RANBP2: variants seen among roughly 807,000 people sequenced by gnomAD.
RANBP2 encodes E3 SUMO-protein ligase RanBP2.
RANBP2 carries 57 observed loss-of-function variants against 303.6 expected under a neutral mutation model. The ratio of observed to expected loss-of-function variants is 0.19; its 90% CI spans 0.15 to 0.23. The LOEUF is 0.23. RANBP2 is among the 10% of genes least tolerant of loss of function. The pLI is 1.00. For synonymous variants in RANBP2, 1,167 were observed against 1,301.5 expected, an observed-to-expected ratio of 0.90 and a Z score of 2.23; for missense variants, 3,138 against 3,780.8, an observed-to-expected ratio of 0.83 and a Z score of 4.46.
the RANBP2 span, among the ~76,000 whole-genome samples, chr2:109,294,340 C>T: frequency 1.3e-5 from 2 of 152,010 alleles, no homozygotes; most frequent in African/African-American, 4.8e-5. Flanking sequence ...GCTGGTGGAT[C>T]GCTTGAGTCC....
the RANBP2 span, among the ~76,000 whole-genome samples, chr2:109,703,324 T>C: frequency 6.6e-6 from 1 of 152,232 alleles, no homozygotes; most frequent in Non-Finnish European, 1.5e-5. Context: ...GCAACTCTAA[T>C]CGAATAGCAC....
chr2:109,038,798 C>G, the RANBP2 span, among the ~76,000 whole-genome samples: 1,021 of 152,302 alleles, frequency 6.7e-3, 6 homozygotes, highest in East Asian at 0.034. Context: ...TAACTAGCAG[C>G]ATACGAAAGC....
chr2:109,256,142 C>T, the RANBP2 span, among the ~76,000 whole-genome samples: 16 of 152,260 alleles, frequency 1.1e-4, 1 homozygote, highest in East Asian at 7.7e-4. Flanking sequence ...TGCTTCTGGC[C>T]GCTGTGACCC....
chr2:109,640,100 T>TA, the RANBP2 span, among the ~76,000 whole-genome samples: 2 of 151,976 alleles, frequency 1.3e-5, no homozygotes, highest in Non-Finnish European at 2.9e-5. Context: ...GCCTTCTATT[T>TA]TTTTTTTTCT....
the RANBP2 span, among the ~76,000 whole-genome samples, chr2:109,059,329 A>C: frequency 1.3e-5 from 2 of 152,120 alleles, no homozygotes; most frequent in African/African-American, 2.4e-5. Flanking sequence ...TAATCCCAAC[A>C]CTTTGGGAGG....
the RANBP2 span, among the ~76,000 whole-genome samples, chr2:108,797,539 G>A: frequency 6.6e-6 from 1 of 152,134 alleles, no homozygotes; most frequent in Admixed American, 6.5e-5. Context: ...GAGGAGGTGA[G>A]TGGGTGGGGC....
intron 1 of RANBP2, among the ~76,000 whole-genome samples, chr2:108,722,494 C>T (rs1694341982): frequency 6.6e-6 from 1 of 151,678 alleles, no homozygotes; most frequent in Admixed American, 6.6e-5. Context: ...GGCTGGCCAT[C>T]TGTGAACTGC....
the RANBP2 span, chr2:109,615,489 A>G: frequency 5.1e-5 from 82 of 1,613,516 alleles, 1 homozygote; most frequent in South Asian, 6.7e-4. Flanking sequence ...GCCGGTGAAC[A>G]TCGACGCCAG....
At chr2:109,264,044 A>C in the RANBP2 span, among the ~76,000 whole-genome samples, 1 of 152,200 alleles carries the variant, frequency 6.6e-6, no homozygotes, top group Non-Finnish European at 1.5e-5. Flanking sequence ...CATGGTTTGC[A>C]AAACCATCTG....
the RANBP2 span, among the ~76,000 whole-genome samples, chr2:109,550,312 T>G: frequency 7.0e-6 from 1 of 142,058 alleles, no homozygotes; most frequent in Non-Finnish European, 1.5e-5. Flanking sequence ...AAAAAGTATC[T>G]TTTTTTTTTT....
chr2:108,937,773 A>G, the RANBP2 span, among the ~76,000 whole-genome samples: 2,226 of 152,174 alleles, frequency 0.015, 25 homozygotes, highest in South Asian at 0.029. Flanking sequence ...GTGTGAATGT[A>G]TGTGTGTGTA....
At chr2:109,522,834 G>GCA in the RANBP2 span, among the ~76,000 whole-genome samples, 1 of 152,222 alleles carries the variant, frequency 6.6e-6, no homozygotes, top group African/African-American at 2.4e-5. Flanking sequence ...CACCTGCCCA[G>GCA]GGTGGAAGCA....
At chr2:109,716,693 C>T in the RANBP2 span, among the ~76,000 whole-genome samples, 4 of 152,152 alleles carry the variant, frequency 2.6e-5, no homozygotes, top group East Asian at 3.8e-4. Flanking sequence ...ACTACAGGCA[C>T]GCACCACCAT....
the RANBP2 span, among the ~76,000 whole-genome samples, chr2:109,417,000 G>A: frequency 6.6e-6 from 1 of 152,196 alleles, no homozygotes; most frequent in Admixed American, 6.5e-5. Flanking sequence ...CCCCATGGGG[G>A]CCCAGGGCCA....
the RANBP2 span, among the ~76,000 whole-genome samples, chr2:108,847,263 A>G: frequency 4.6e-5 from 7 of 152,318 alleles, no homozygotes; most frequent in East Asian, 9.6e-4. Context: ...AAACTAGTCC[A>G]TGGGCAAAAT....
At chr2:108,850,304 G>A in the RANBP2 span, among the ~76,000 whole-genome samples, 2 of 152,200 alleles carry the variant, frequency 1.3e-5, no homozygotes, top group African/African-American at 4.8e-5. Flanking sequence ...AATGTGTTGG[G>A]TAATAGGCAG....
the RANBP2 span, among the ~76,000 whole-genome samples, chr2:108,973,686 T>C: frequency 6.6e-6 from 1 of 152,138 alleles, no homozygotes; most frequent in Non-Finnish European, 1.5e-5. Flanking sequence ...CCACACATGG[T>C]GACCGCTGCC....
the RANBP2 span, among the ~76,000 whole-genome samples, chr2:109,730,190 A>G: frequency 3.9e-5 from 6 of 152,298 alleles, no homozygotes; most frequent in African/African-American, 1.4e-4. Context: ...GGCCAGGAAC[A>G]TGTTATATCA....
chr2:109,292,881 C>T, the RANBP2 span, among the ~76,000 whole-genome samples: 1 of 152,156 alleles, frequency 6.6e-6, no homozygotes, highest in East Asian at 1.9e-4. Context: ...TACAGGTGTG[C>T]ACCAGCATGC....
Sources: allele counts gnomAD v4.1 joint callset (sites outside exome capture counted in the v4.1 genomes callset), GRCh38; gene constraint gnomAD v4.1.1; transcripts MANE v1.5; gene names NCBI Gene and HGNC (gene_info 2026-07-23, HGNC 2026-07-21).